The following HDGFL3 variants were observed in gnomAD, a reference collection of about 807,000 sequenced individuals.
HDGFL3 encodes the protein hepatoma-derived growth factor-related protein 3.
Under a neutral mutation model 27.6 loss-of-function variants are expected in HDGFL3, and 6 were observed. The ratio of observed to expected loss-of-function variants is 0.22; its 90% confidence interval spans 0.12 to 0.43. The LOEUF is 0.43. Among genes scored for constraint, HDGFL3 ranks in the 20% least tolerant of loss-of-function variants. HDGFL3 has a pLI of 1.00. For synonymous variants in HDGFL3, 88 were observed against 88.9 expected, an observed-to-expected ratio of 0.99 and a Z score of 0.05; for missense variants, 207 against 250.1, an observed-to-expected ratio of 0.83 and a Z score of 1.16.
At chr15:83,117,805 C>T (rs921001364) in intron 3 of HDGFL3, among the ~76,000 whole-genome samples, 1 of 152,002 alleles carries the variant, frequency 6.6e-6, no homozygotes, top group African/African-American at 2.4e-5. Flanking sequence ...AGAGCCAGGC[C>T]TTGAGAATCT....
rs983633399 is a variant in HDGFL3, at chr15:83,137,424, T to A, written c.*1846A>T. ...ACACATAAAACGCTTTTAAAGAAAA[T>A]TTGTGAGTTGTATATTCCAATTCAA... On this transcript the variant is annotated 3_prime_UTR_variant, in exon 6 of 6. Coordinates refer to ENST00000299633, the MANE Select transcript of HDGFL3 (RefSeq NM_016073.4). 7 of 152,274 alleles carry A rather than the reference T, an allele frequency of 4.6e-5. No individual in the cohort carries two copies. Among genetic ancestry groups the A allele is most frequent in the African/African-American group, 1.7e-4 (7 of 41,576 alleles). The allele number at this position is 152,274 out of a possible 1,614,324, so 9.4% of individuals were successfully genotyped here.
Position 83,135,726 on chromosome 15 carries a change from G to GTAT in HDGFL3, c.*3543_*3544insATA, listed in dbSNP as rs1489758562. ...AGAGGGAGGCCATTTTGCAAATGCG[G>GTAT]ATAATGCTGACATGTCGTACTTCTA... On this transcript the variant is annotated 3_prime_UTR_variant, in exon 6 of 6. Coordinates refer to ENST00000299633, the MANE Select transcript of HDGFL3 (RefSeq NM_016073.4). 3 of 152,162 alleles carry GTAT rather than the reference G, an allele frequency of 2.0e-5. No homozygotes were observed. The highest frequency in any genetic ancestry group is 7.2e-5 in the African/African-American group (3 of 41,434). The allele number at this position is 152,162 out of a possible 1,614,324, so 9.4% of individuals were successfully genotyped here.
At position 83,164,012 on chromosome 15, in the gene HDGFL3, CA is replaced by C. The variant is rs1567170453; in HGVS notation, c.147del (p.Phe49LeufsTer9). On this transcript the variant is annotated frameshift_variant, in exon 2 of 6. Transcript: ENST00000299633. LOFTEE classifies it high-confidence loss of function. ...PPANKYPIFF[F>X]GTHETAFLGP... ...TTGCTAACTTACGTTTCATGGGTGC[CA>C]AAAAAGAAGATAGGATACTTGTTTG... 1 of 1,611,760 alleles carries C rather than the reference CA, an allele frequency of 6.2e-7. No individual in the cohort carries two copies. Among genetic ancestry groups the C allele is most frequent in the South Asian group, 1.1e-5 (1 of 90,804 alleles).
At chr15:83,159,817 C>T (rs751344199) in intron 2 of HDGFL3, among the ~76,000 whole-genome samples, 2 of 152,080 alleles carry the variant, frequency 1.3e-5, no homozygotes, top group East Asian at 3.9e-4. Context: ...GAGTGAAGGA[C>T]GACTGGTGTG....
At chr15:83,163,042 C>T (rs1057045942) in intron 2 of HDGFL3, among the ~76,000 whole-genome samples, 4 of 152,140 alleles carry the variant, frequency 2.6e-5, no homozygotes, top group Non-Finnish European at 5.9e-5. Context: ...CTCAGCTTCC[C>T]TTGTAGCTAG....
chr15:83,157,636 A>C (rs1406335749), intron 3 of HDGFL3, 63 bp from the exon 4 acceptor site: 1 of 1,417,538 alleles, frequency 7.1e-7, no homozygotes, highest in Non-Finnish European at 9.8e-7. Context: ...ACAAACACTG[A>C]AAAGAACTAC....
chr15:83,199,628 C>A (rs1276494632), intron 1 of HDGFL3, among the ~76,000 whole-genome samples: 1 of 152,164 alleles, frequency 6.6e-6, no homozygotes, highest in Non-Finnish European at 1.5e-5. Flanking sequence ...AGAATCTATT[C>A]AGAATATGAG....
intron 1 of HDGFL3, among the ~76,000 whole-genome samples, chr15:83,169,414 CAAAAAAAAAAAAAAA>C (rs58159581): frequency 0.073 from 2,632 of 35,906 alleles, 122 homozygotes; most frequent in African/African-American, 0.2. Context: ...GACTCCGTCT[CAAAAAAAAAAAAAAA>C]AAAAAAAAAA....
chr15:83,116,801 G>A (rs1318062696), intron 3 of HDGFL3, among the ~76,000 whole-genome samples: 1 of 152,156 alleles, frequency 6.6e-6, no homozygotes, highest in Non-Finnish European at 1.5e-5. Flanking sequence ...ATAAGACTTG[G>A]GGACAAATTG....
chr15:83,158,167 T>G, intron 2 of HDGFL3, 126 bp from the exon 3 acceptor site: 1 of 740,636 alleles, frequency 1.4e-6, no homozygotes, highest in Non-Finnish European at 2.1e-6. Context: ...ATATAAACCC[T>G]TCAAGTTAGG....
chr15:83,118,104 G>A (rs1398937331), intron 3 of HDGFL3, among the ~76,000 whole-genome samples: 1 of 152,196 alleles, frequency 6.6e-6, no homozygotes, highest in African/African-American at 2.4e-5. Flanking sequence ...GCTCATGCCT[G>A]TAATCTCAGT....
intron 3 of HDGFL3, chr15:83,122,610 A>T: frequency 1.3e-6 from 1 of 789,726 alleles, no homozygotes; most frequent in Non-Finnish European, 2.0e-6. Context: ...CTAGTATTTT[A>T]AATTGACCTT....
intron 1 of HDGFL3, among the ~76,000 whole-genome samples, chr15:83,205,733 A>C (rs1455361650): frequency 6.6e-6 from 1 of 152,210 alleles, no homozygotes; most frequent in Non-Finnish European, 1.5e-5. Flanking sequence ...AAAGCTATAC[A>C]TTTCTTACTT....
chr15:83,162,400 T>A (rs374656602), intron 2 of HDGFL3, among the ~76,000 whole-genome samples: 2 of 152,118 alleles, frequency 1.3e-5, no homozygotes, highest in African/African-American at 4.8e-5. Context: ...AAATCACATA[T>A]AGACTACTGT....
intron 3 of HDGFL3, 88 bp downstream of exon 3, chr15:83,157,815 T>C (rs561715547): frequency 1.6e-6 from 2 of 1,221,316 alleles, no homozygotes; most frequent in East Asian, 2.3e-5. Flanking sequence ...AGGTAACTAT[T>C]AGTAGAAAGG....
intron 1 of HDGFL3, among the ~76,000 whole-genome samples, chr15:83,165,952 T>C (rs534922960): frequency 2.0e-5 from 3 of 152,028 alleles, no homozygotes; most frequent in South Asian, 2.1e-4. Context: ...TACAGAATTA[T>C]ATAAAATGAC....
intron 1 of HDGFL3, among the ~76,000 whole-genome samples, chr15:83,168,329 G>A (rs984542642): frequency 1.3e-5 from 2 of 152,054 alleles, no homozygotes; most frequent in East Asian, 3.8e-4. Flanking sequence ...GAACGAAATT[G>A]GACCCAAAAA....
chr15:83,113,049 C>A, exon 4 of HDGFL3: 1 of 680,218 alleles, frequency 1.5e-6, no homozygotes, highest in Non-Finnish European at 2.6e-6. Context: ...CAATCTGGCC[C>A]TCGCCTCTGG....
At chr15:83,170,907 A>C (rs978154654) in intron 1 of HDGFL3, among the ~76,000 whole-genome samples, 3 of 152,090 alleles carry the variant, frequency 2.0e-5, no homozygotes, top group South Asian at 2.1e-4. Flanking sequence ...AATCTCATTA[A>C]AAAATGGGCA....
Sources: gnomAD v4.1 joint callset for allele counts (sites outside exome capture counted in the v4.1 genomes callset) on GRCh38, gnomAD v4.1.1 for gene constraint, MANE v1.5 for transcripts, NCBI Gene and HGNC (gene_info 2026-07-23, HGNC 2026-07-21) for gene names.